The following EFNB2 variants were observed in gnomAD, a reference collection of about 807,000 sequenced individuals.
The protein encoded by EFNB2 is ephrin B2, also known as ephrin-B2.
In EFNB2, 5 loss-of-function variants were observed where a neutral mutation model predicts 32.1. The ratio of observed to expected loss-of-function variants is 0.16; its 90% confidence interval spans 0.08 to 0.33. The LOEUF (loss-of-function observed/expected upper bound fraction) is 0.33, where lower values mean the gene tolerates loss of function less well. EFNB2 is among the 10% of genes least tolerant of loss of function. The pLI is 1.00. For synonymous variants in EFNB2, 168 were observed against 166.5 expected (o/e 1.01, Z -0.07); for missense variants, 263 against 422.6 (o/e 0.62, Z 3.31).
At chr13:106,495,900 C>T (rs1878572779) in intron 2 of EFNB2, 60 bp from the exon 3 acceptor site, 1 of 1,475,468 alleles carries the variant, frequency 6.8e-7, no homozygotes, top group Non-Finnish European at 9.4e-7. Context: ...AATCAATAAG[C>T]CAAGTTTACA....
chr13:106,530,710 G>A (rs137887238), intron 1 of EFNB2, among the ~76,000 whole-genome samples: 3 of 152,204 alleles, frequency 2.0e-5, no homozygotes, highest in East Asian at 3.9e-4. Context: ...CTGGGATCTC[G>A]AATAGTTTCC....
intron 2 of EFNB2, among the ~76,000 whole-genome samples, chr13:106,508,737 G>A (rs8002037): frequency 0.011 from 1,684 of 152,118 alleles, 30 homozygotes; most frequent in African/African-American, 0.038. Context: ...ATTTTAAGTC[G>A]GTGACCATTC....
intron 2 of EFNB2, among the ~76,000 whole-genome samples, chr13:106,503,862 A>G (rs1878863481): frequency 6.6e-6 from 1 of 152,244 alleles, no homozygotes; most frequent in South Asian, 2.1e-4. Context: ...TGACCACTGC[A>G]ATAGCAATGA....
chr13:106,505,580 T>C (rs976765243), intron 2 of EFNB2, among the ~76,000 whole-genome samples: 2 of 152,230 alleles, frequency 1.3e-5, no homozygotes, highest in Non-Finnish European at 2.9e-5. Flanking sequence ...TTAAGAACTA[T>C]ACAAATAAGT....
rs1878346702 is a variant in EFNB2, at chr13:106,490,038, T to G, written c.*3002A>C. On this transcript the variant is annotated 3_prime_UTR_variant, in exon 5 of 5. Coordinates refer to ENST00000646441, the MANE Select transcript of EFNB2 (RefSeq NM_004093.4). Reference sequence around the variant, plus strand: ...ATTTGGCAACCTTTTATACCATTTTTTCCTCATTACAGTGCAAAGGGGAAT... The same window carrying G: ...ATTTGGCAACCTTTTATACCATTTTGTCCTCATTACAGTGCAAAGGGGAAT... 6.6e-6 allele frequency: 1 copy of G among 152,662 alleles called. No homozygotes were observed. The highest frequency in any genetic ancestry group is 1.5e-5 in the Non-Finnish European group (1 of 68,034). The allele number at this position is 152,662 out of a possible 1,614,324, so 9.5% of individuals were successfully genotyped here.
Position 106,493,182 on chromosome 13 carries a change from C to G in EFNB2, c.860G>C (p.Ser287Thr). The change falls in exon 5 of 5, where the codon AGT (serine) becomes ACT (threonine). Residue 287 changes from serine to threonine, a missense_variant. Transcript: ENST00000646441. The surrounding 1 kb of genome is among the most constrained non-coding windows in gnomAD (Gnocchi z 6.1). ...RSGNNNGSEP[S>T]DIIIPLRTAD... Reference sequence around the variant, plus strand: ...AGTCCTTAGCGGGATGATAATGTCACTGGGCTCTGAGCCGTTGTTGTTGCC... The same window carrying G: ...AGTCCTTAGCGGGATGATAATGTCAGTGGGCTCTGAGCCGTTGTTGTTGCC... The G allele has an allele frequency of 6.2e-7, 1 of 1,614,204 alleles. No individual in the cohort carries two copies. Among genetic ancestry groups the G allele is most frequent in the Non-Finnish European group, 8.5e-7 (1 of 1,180,036 alleles).
At chr13:106,534,465 T>C (rs890132124) in intron 1 of EFNB2, among the ~76,000 whole-genome samples, 14 of 152,158 alleles carry the variant, frequency 9.2e-5, no homozygotes, top group Non-Finnish European at 8.8e-5. Flanking sequence ...TCTCCGCCTC[T>C]CTCCAGAGCC....
chr13:106,509,807 T>C (rs1039141174), intron 2 of EFNB2: 4 of 152,222 alleles, frequency 2.6e-5, no homozygotes, highest in African/African-American at 9.6e-5. Context: ...GCATTTCCCA[T>C]TTCCTTTCTA....
rs990462902 is a variant in EFNB2, at chr13:106,492,131, C to G, written c.*909G>C. 1 of 152,726 alleles carries G rather than the reference C, an allele frequency of 6.5e-6. No homozygotes were observed. The highest frequency in any genetic ancestry group is 1.5e-5 in the Non-Finnish European group (1 of 68,118). 9.5% of individuals were successfully genotyped at this position (152,726 alleles called of 1,614,324 possible). On this transcript the variant is annotated 3_prime_UTR_variant, in exon 5 of 5. Coordinates refer to ENST00000646441, the MANE Select transcript of EFNB2 (RefSeq NM_004093.4). This position sits in a 1 kb window ranked among gnomAD's most constrained non-coding sequence, Gnocchi z 5.1. Reference sequence around the variant, plus strand: ...CCTGCACATCGCTATTTGATAACAGCGAGTGCCTCCCCATGCACTGGAATC... The same window carrying G: ...CCTGCACATCGCTATTTGATAACAGGGAGTGCCTCCCCATGCACTGGAATC...
rs1187085849 is a variant in EFNB2, at chr13:106,494,928, G to A, written c.566C>T (p.Thr189Ile). The change falls in exon 4 of 5, where the codon ACA becomes ATA. Residue 189 changes from threonine (T) to isoleucine (I), a missense_variant. Around this residue, in one of 3 missense-constraint regions of EFNB2, gnomAD observed 172 missense variants for 237.1 expected, o/e 0.73. Coordinates refer to ENST00000646441, the MANE Select transcript of EFNB2 (RefSeq NM_004093.4). ...ACTTGTTGTCGAACTTCTTCCATTTGTACCAGCTTCTAGTTCTGGACGTCT... is the reference window on the plus strand; with the variant it reads ...ACTTGTTGTCGAACTTCTTCCATTTATACCAGCTTCTAGTTCTGGACGTCT... The part of the protein sequence containing the change: ...PTRRPELEAG[T>I]NGRSSTTSPF... 6.2e-7 allele frequency: 1 copy of A among 1,614,140 alleles called. No individual in the cohort carries two copies. The highest frequency in any genetic ancestry group is 8.5e-7 in the Non-Finnish European group (1 of 1,179,994).
intron 2 of EFNB2, among the ~76,000 whole-genome samples, chr13:106,503,955 C>T (rs1001638144): frequency 5.9e-5 from 9 of 152,174 alleles, no homozygotes; most frequent in Admixed American, 4.6e-4. Context: ...ATTAGCTGTA[C>T]TTAAGCATCA....
intron 1 of EFNB2, 39 bp downstream of exon 1, chr13:106,534,804 C>A: frequency 6.3e-7 from 1 of 1,584,260 alleles, no homozygotes; most frequent in Non-Finnish European, 8.6e-7. Flanking sequence ...GCGGCGGACC[C>A]CGGGGCGGGG....
At chr13:106,505,636 A>C (rs985925478) in intron 2 of EFNB2, among the ~76,000 whole-genome samples, 27 of 152,240 alleles carry the variant, frequency 1.8e-4, no homozygotes, top group African/African-American at 6.3e-4. Flanking sequence ...GGCTATTTTC[A>C]TGTGTTTTAT....
At chr13:106,533,615 T>C (rs1052038908) in intron 1 of EFNB2, among the ~76,000 whole-genome samples, 10 of 152,198 alleles carry the variant, frequency 6.6e-5, no homozygotes, top group African/African-American at 2.4e-4. Context: ...TTTGACACTT[T>C]TAAGAGAATG....
intron 1 of EFNB2, among the ~76,000 whole-genome samples, chr13:106,514,926 C>T (rs1360285562): frequency 6.6e-6 from 1 of 152,210 alleles, no homozygotes; most frequent in African/African-American, 2.4e-5. Flanking sequence ...CCCTCCCAAG[C>T]TGTACATCTC....
At chr13:106,495,151 C>CTAGTAT (rs1478586321) in intron 3 of EFNB2, among the ~76,000 whole-genome samples, 157 bp from the exon 4 acceptor site, 9 of 152,180 alleles carry the variant, frequency 5.9e-5, no homozygotes, top group Non-Finnish European at 1.3e-4. Context: ...TCTTTTAAAA[C>CTAGTAT]AAAATGGTTA....
chr13:106,516,544 C>A (rs980728017), intron 1 of EFNB2: 1 of 152,264 alleles, frequency 6.6e-6, no homozygotes, highest in Non-Finnish European at 1.5e-5. Flanking sequence ...TTTCTCTGCA[C>A]ACATTTCAGT....
chr13:106,521,141 T>C (rs542727368), intron 1 of EFNB2: 2 of 135,608 alleles, frequency 1.5e-5, no homozygotes, highest in East Asian at 4.3e-4. Flanking sequence ...CCTGATTTAT[T>C]CAAGGAAAAG....
chr13:106,496,858 G>C (rs1385611587), intron 2 of EFNB2, among the ~76,000 whole-genome samples: 2 of 152,178 alleles, frequency 1.3e-5, no homozygotes, highest in African/African-American at 4.8e-5. Context: ...AGTTCCAGGA[G>C]AGAAAAGAAG....
Sources: allele counts gnomAD v4.1 joint callset (sites outside exome capture counted in the v4.1 genomes callset), GRCh38; gene constraint gnomAD v4.1.1; regional missense constraint gnomAD v4.1.1; non-coding constraint Gnocchi (gnomAD v3.1); transcripts MANE v1.5; gene names NCBI Gene and HGNC (gene_info 2026-07-23, HGNC 2026-07-21).